ANK1: variants seen among roughly 807,000 people sequenced by gnomAD.
The protein encoded by ANK1 is ankyrin-1.
Under a neutral mutation model 210.4 loss-of-function variants are expected in ANK1, and 51 were observed. The observed-to-expected ratio is 0.24, with a 90% CI of 0.19 to 0.31. The LOEUF (loss-of-function observed/expected upper bound fraction) is 0.31. ANK1 is among the 10% of genes least tolerant of loss of function. ANK1 has a pLI of 1.00. For missense variants in ANK1, 2,051 were observed against 2,504.4 expected (o/e 0.82, Z 3.86); for synonymous variants, 967 against 1,025.9 (o/e 0.94, Z 1.10).
intron 6 of ANK1, 70 bp downstream of exon 6, chr8:41,725,691 G>T: frequency 1.3e-6 from 2 of 1,553,020 alleles, no homozygotes; most frequent in Non-Finnish European, 8.7e-7. Flanking sequence ...GAAGTCGCTG[G>T]GCGTGCGCGG....
intron 1 of ANK1, among the ~76,000 whole-genome samples, chr8:41,804,256 C>A (rs555774718): frequency 4.6e-5 from 7 of 152,166 alleles, no homozygotes; most frequent in African/African-American, 1.2e-4. Flanking sequence ...GGGCTGCCAA[C>A]CATCCTCTTA....
chr8:41,882,284 C>T (rs567530920), intron 1 of ANK1, among the ~76,000 whole-genome samples: 39 of 152,110 alleles, frequency 2.6e-4, no homozygotes, highest in African/African-American at 8.7e-4. Flanking sequence ...GCAGGCCCCA[C>T]GCCCTGGGGC....
chr8:41,757,012 A>T (rs1007372564), intron 2 of ANK1, among the ~76,000 whole-genome samples: 15 of 152,302 alleles, frequency 9.8e-5, no homozygotes, highest in Middle Eastern at 3.4e-3. Flanking sequence ...TGGAAGTTGA[A>T]GGGTGGCCAC....
chr8:41,771,929 G>A (rs1563728914), intron 1 of ANK1, among the ~76,000 whole-genome samples: 1 of 152,164 alleles, frequency 6.6e-6, no homozygotes, highest in Non-Finnish European at 1.5e-5. Flanking sequence ...AAGAACACAA[G>A]CCTGCAGCAA....
chr8:41,696,804 AC>A, intron 24 of ANK1, 31 bp from the exon 25 acceptor site: 1 of 1,578,054 alleles, frequency 6.3e-7, no homozygotes, highest in African/African-American at 1.3e-5. Context: ...CTCCTGTCCC[AC>A]CTCCTCCCGG....
intron 2 of ANK1, among the ~76,000 whole-genome samples, chr8:41,744,737 G>A (rs1345606238): frequency 6.6e-6 from 1 of 152,128 alleles, no homozygotes; most frequent in Non-Finnish European, 1.5e-5. Flanking sequence ...GGGTTTCACA[G>A]TGTTCACCAG....
intron 15 of ANK1, 125 bp downstream of exon 15, chr8:41,714,851 C>T (rs1009330399): frequency 9.9e-7 from 1 of 1,007,650 alleles, no homozygotes; most frequent in Non-Finnish European, 1.5e-6. Context: ...CAGAGCGAGA[C>T]CCTGTCTCAA....
At chr8:41,681,970 G>A (rs753060626) in intron 37 of ANK1, among the ~76,000 whole-genome samples, 8 of 152,208 alleles carry the variant, frequency 5.3e-5, no homozygotes, top group Non-Finnish European at 5.9e-5. Flanking sequence ...GAGCAGCCAG[G>A]AAGCACAGAA....
At chr8:41,735,612 G>C (rs571776047) in intron 2 of ANK1, among the ~76,000 whole-genome samples, 1 of 152,054 alleles carries the variant, frequency 6.6e-6, no homozygotes, top group Non-Finnish European at 1.5e-5. Flanking sequence ...TGCGTTCCTC[G>C]AATTCCAGCT....
chr8:41,781,572 C>T (rs1845334160), intron 1 of ANK1, among the ~76,000 whole-genome samples: 1 of 152,222 alleles, frequency 6.6e-6, no homozygotes, highest in South Asian at 2.1e-4. Context: ...GAGGAATAAG[C>T]ATGCCTCAGT....
intron 37 of ANK1, among the ~76,000 whole-genome samples, chr8:41,682,752 C>A (rs552954305): frequency 6.6e-6 from 1 of 152,356 alleles, no homozygotes; most frequent in South Asian, 2.1e-4. Context: ...GCCCATTGTC[C>A]TGTAGGTGCT....
At chr8:41,693,417 C>CTTTTT (rs71239074) in intron 29 of ANK1, among the ~76,000 whole-genome samples, 1 of 45,234 alleles carries the variant, frequency 2.2e-5, no homozygotes, top group African/African-American at 9.9e-5. Context: ...GGGGCATGGA[C>CTTTTT]TTTTTTTTTT....
chr8:41,846,839 T>G, intron 1 of ANK1, among the ~76,000 whole-genome samples: 1 of 152,012 alleles, frequency 6.6e-6, no homozygotes, highest in South Asian at 2.1e-4. Context: ...CAGGCCCTCC[T>G]CATTAGGAGC....
chr8:41,703,420 G>GTATATA (rs1431513474), intron 20 of ANK1, among the ~76,000 whole-genome samples: 6 of 51,120 alleles, frequency 1.2e-4, no homozygotes, highest in African/African-American at 1.8e-4. Context: ...GTGTGTGTGT[G>GTATATA]TGTATATATA....
chr8:41,865,642 C>A (rs1416419261), intron 1 of ANK1, among the ~76,000 whole-genome samples: 2 of 152,092 alleles, frequency 1.3e-5, no homozygotes, highest in Non-Finnish European at 2.9e-5. Context: ...CCTTTCCACA[C>A]AATGCACATG....
At chr8:41,883,981 C>T (rs557512460) in intron 1 of ANK1, among the ~76,000 whole-genome samples, 19 of 152,310 alleles carry the variant, frequency 1.2e-4, no homozygotes, top group African/African-American at 4.1e-4. Context: ...GATTGTTCTC[C>T]GGCCCAGGGA....
intron 1 of ANK1, among the ~76,000 whole-genome samples, chr8:41,771,673 C>T (rs2150734556): frequency 6.6e-6 from 1 of 152,320 alleles, no homozygotes; most frequent in South Asian, 2.1e-4. Flanking sequence ...GCAGGTCTCT[C>T]TGCAGACAAG....
At position 41,694,068 on chromosome 8, in the gene ANK1, A is replaced by T. The variant is rs1490729635; in HGVS notation, c.3362T>A (p.Leu1121His). The change falls in exon 29 of 43, where the codon CTC (leucine) becomes CAC (histidine). Residue 1121 changes from leucine (L) to histidine (H), a missense_variant. Physicochemically the swap from Leu to His is moderately conservative, Grantham distance 99. This residue lies in a region of ANK1 where 1,413 missense variants were observed against 1,707.4 expected (regional missense o/e 0.83). Coordinates refer to ENST00000289734, the MANE Select transcript of ANK1 (RefSeq NM_000037.4). The surrounding 1 kb of genome is among the most constrained non-coding windows in gnomAD (Gnocchi z 5.7). ...GCTGAATGTGGCCTGGTTGCCCAGGAGCTTAGTGACAAGCTCATCCGGGAC... is the reference window on the plus strand; with the variant it reads ...GCTGAATGTGGCCTGGTTGCCCAGGTGCTTAGTGACAAGCTCATCCGGGAC... ...QPVPDELVTK[L>H]LGNQATFSPI... is the part of the protein sequence containing the mutation. 1.9e-6 allele frequency: 3 copies of T among 1,613,844 alleles called. No individual in the cohort carries two copies.
chr8:41,755,468 G>A (rs1157263469), intron 2 of ANK1, among the ~76,000 whole-genome samples: 13 of 152,188 alleles, frequency 8.5e-5, no homozygotes, highest in Admixed American at 5.2e-4. Context: ...ATTCACCTCC[G>A]CTGAGAACTG....
Sources: gnomAD v4.1 joint callset for allele counts (sites outside exome capture counted in the v4.1 genomes callset) on GRCh38, gnomAD v4.1.1 for gene constraint, gnomAD v4.1.1 regional missense constraint, Gnocchi (gnomAD v3.1) non-coding constraint, MANE v1.5 for transcripts, NCBI Gene and HGNC (gene_info 2026-07-23, HGNC 2026-07-21) for gene names.